The following KCNAB1 variants were observed in gnomAD, a reference collection of about 807,000 sequenced individuals.
KCNAB1 encodes the protein potassium voltage-gated channel subfamily A regulatory beta subunit 1.
KCNAB1 carries 35 observed loss-of-function variants against 64.6 expected under a neutral mutation model. The ratio of observed to expected loss-of-function variants is 0.54; its 90% CI spans 0.41 to 0.72. The LOEUF (loss-of-function observed/expected upper bound fraction) is 0.72, where lower values mean the gene tolerates loss of function less well. Ranked by LOEUF, KCNAB1 falls within the 30% of genes least tolerant of loss-of-function variation. The pLI is 0.00. For synonymous variants in KCNAB1, 177 were observed against 183.8 expected, an observed-to-expected ratio of 0.96 and a Z score of 0.30; for missense variants, 401 against 512.9, an observed-to-expected ratio of 0.78 and a Z score of 2.11.
chr3:156,166,281 G>C (rs1711556315), intron 1 of KCNAB1, among the ~76,000 whole-genome samples: 1 of 152,166 alleles, frequency 6.6e-6, no homozygotes, highest in African/African-American at 2.4e-5. Context: ...TTTTCTGAAA[G>C]TTCCAAGGTC....
intron 1 of KCNAB1, among the ~76,000 whole-genome samples, chr3:156,206,724 G>A (rs1039792912): frequency 7.2e-5 from 11 of 152,126 alleles, no homozygotes; most frequent in Admixed American, 2.0e-4. Flanking sequence ...TTCAGTAAGC[G>A]TTTATGAAAA....
At chr3:156,328,521 T>G (rs926147908) in intron 1 of KCNAB1, among the ~76,000 whole-genome samples, 2 of 152,170 alleles carry the variant, frequency 1.3e-5, no homozygotes, top group Admixed American at 1.3e-4. Context: ...TCCTTTATTA[T>G]TTAGCTGGGT....
intron 1 of KCNAB1, among the ~76,000 whole-genome samples, chr3:156,407,262 G>C (rs1463780588): frequency 1.3e-5 from 2 of 152,054 alleles, no homozygotes; most frequent in Non-Finnish European, 2.9e-5. Flanking sequence ...TGTTATCTCT[G>C]CTTGAAATTC....
rs563184354 is a variant in KCNAB1, at chr3:156,387,400, G to A, written c.276-34216G>A. 1.4e-4 allele frequency among the ~76,000 whole-genome samples: 21 copies of A among 152,168 alleles called. No homozygotes were observed. The South Asian group carries it at 4.4e-3, about 32-fold the overall frequency. On this transcript the variant is annotated intron_variant, in intron 1 of 13. Coordinates refer to ENST00000490337, the MANE Select transcript of KCNAB1 (RefSeq NM_172160.3). ...AAGAGCAAACAGAAAGTGATGCAGG[G>A]GATTTAATGGGGTTTCATGTTCTCA...
intron 1 of KCNAB1, among the ~76,000 whole-genome samples, chr3:156,238,944 T>G (rs1009250997): frequency 1.3e-5 from 2 of 152,190 alleles, no homozygotes; most frequent in Non-Finnish European, 2.9e-5. Flanking sequence ...GCTAGGAAAT[T>G]AATTAATTAA....
At chr3:156,184,238 A>G (rs1713047265) in intron 1 of KCNAB1, among the ~76,000 whole-genome samples, 1 of 152,196 alleles carries the variant, frequency 6.6e-6, no homozygotes, top group African/African-American at 2.4e-5. Context: ...TTCTGTGTTC[A>G]TGCTCCTGCC....
chr3:156,513,982 C>G (rs1717389988), intron 8 of KCNAB1, among the ~76,000 whole-genome samples: 1 of 152,138 alleles, frequency 6.6e-6, no homozygotes, highest in Non-Finnish European at 1.5e-5. Context: ...AAAGTTGAAA[C>G]AAATGCCTTC....
At chr3:156,182,997 C>T (rs756411899) in intron 1 of KCNAB1, among the ~76,000 whole-genome samples, 4 of 152,182 alleles carry the variant, frequency 2.6e-5, no homozygotes, top group East Asian at 3.9e-4. Context: ...TGCGCCCAGC[C>T]GACAGTTTCA....
At chr3:156,400,182 G>T (rs894743597) in intron 1 of KCNAB1, among the ~76,000 whole-genome samples, 3 of 152,218 alleles carry the variant, frequency 2.0e-5, no homozygotes, top group Non-Finnish European at 4.4e-5. Context: ...ACAAAAGTTT[G>T]ATGTTAATGC....
intron 1 of KCNAB1, among the ~76,000 whole-genome samples, chr3:156,363,216 C>A (rs1023181915): frequency 7.9e-5 from 12 of 152,208 alleles, no homozygotes; most frequent in African/African-American, 2.9e-4. Context: ...AAAGCATATT[C>A]AAATGCCATA....
chr3:156,305,517 G>A (rs756239052), intron 1 of KCNAB1, among the ~76,000 whole-genome samples: 3 of 152,136 alleles, frequency 2.0e-5, no homozygotes, highest in Non-Finnish European at 2.9e-5. Flanking sequence ...TCACATTCAC[G>A]ATGGGCTTCT....
At chr3:156,325,027 A>C (rs1341481474) in intron 1 of KCNAB1, among the ~76,000 whole-genome samples, 1 of 152,176 alleles carries the variant, frequency 6.6e-6, no homozygotes, top group African/African-American at 2.4e-5. Context: ...AAGGGCACCC[A>C]ATATAGTATA....
chr3:156,229,569 C>T (rs1368100409), intron 1 of KCNAB1, among the ~76,000 whole-genome samples: 1 of 152,112 alleles, frequency 6.6e-6, no homozygotes, highest in African/African-American at 2.4e-5. Context: ...CTTATTCATC[C>T]TGAAGTGTAA....
intron 9 of KCNAB1, 62 bp downstream of exon 9, chr3:156,514,511 T>C: frequency 8.1e-7 from 1 of 1,238,302 alleles, no homozygotes; most frequent in South Asian, 1.2e-5. Flanking sequence ...TCAGATGCCA[T>C]GCATAAATTG....
chr3:156,146,201 G>A (rs1715027297), intron 1 of KCNAB1, among the ~76,000 whole-genome samples: 1 of 152,176 alleles, frequency 6.6e-6, no homozygotes, highest in Admixed American at 6.5e-5. Context: ...AAAAGAAACT[G>A]GAGGACATTG....
Position 156,523,030 on chromosome 3 carries a change from C to A in KCNAB1, c.961-797C>A, listed in dbSNP as rs746759911. ...TAGTAAGAGCAGAGCCTTCTGGAAA[C>A]TAAGGCATTGAGAAGTTCTAAAAGA... is the stretch of plus-strand genomic sequence containing the variant. On this transcript the variant is annotated intron_variant, in intron 11 of 13. Transcript: ENST00000490337. Among the ~76,000 whole-genome samples the A allele has an allele frequency of 8.6e-4, 131 of 152,286 alleles. 1 individual carries two copies. Among genetic ancestry groups the A allele is most frequent in the Non-Finnish European group, 1.4e-3 (95 of 68,016 alleles).
intron 7 of KCNAB1, among the ~76,000 whole-genome samples, chr3:156,471,179 A>G (rs2108312966): frequency 6.6e-6 from 1 of 152,338 alleles, no homozygotes; most frequent in South Asian, 2.1e-4. Flanking sequence ...GCTTCCACAC[A>G]GTCAAACCTG....
rs1473935606 is a variant in KCNAB1, at chr3:156,537,797, TATA to T, written c.*1054_*1056del. Reference sequence around the variant, plus strand: ...CATTGTTTAATTAGCACTGGGATTTTATAATATAATGTTTGGTATTTTTGAGGC... The same window carrying T: ...CATTGTTTAATTAGCACTGGGATTTTATATAATGTTTGGTATTTTTGAGGC... On this transcript the variant is annotated 3_prime_UTR_variant, in exon 14 of 14. Transcript: ENST00000490337. The T allele has an allele frequency of 1.3e-5, 2 of 152,660 alleles. No homozygotes were observed. Among genetic ancestry groups the T allele is most frequent in the African/African-American group, 4.8e-5 (2 of 41,470 alleles). The allele number at this position is 152,660 out of a possible 1,614,324, so 9.5% of individuals were successfully genotyped here.
rs529858405 is a variant in KCNAB1, at chr3:156,284,840, G to T, written c.276-136776G>T. On this transcript the variant is annotated intron_variant, in intron 1 of 13. Coordinates refer to ENST00000490337, the MANE Select transcript of KCNAB1 (RefSeq NM_172160.3). ...CTGCTTCGGCTCGCGCACGATGCGC[G>T]CACCCACTGACCTGCGCCCACAGTC... 1.3e-3 allele frequency among the ~76,000 whole-genome samples: 203 copies of T among 152,270 alleles called. 1 individual carries two copies. Among genetic ancestry groups the T allele is most frequent in the African/African-American group, 4.7e-3 (194 of 41,556 alleles).
Sources: allele counts gnomAD v4.1 joint callset (sites outside exome capture counted in the v4.1 genomes callset), GRCh38; gene constraint gnomAD v4.1.1; transcripts MANE v1.5; gene names NCBI Gene and HGNC (gene_info 2026-07-23, HGNC 2026-07-21).